The following B4GALT4 variants were observed in gnomAD, a reference collection of about 807,000 sequenced individuals.
B4GALT4 encodes the protein N-acetyllactosamine synthase.
Under a neutral mutation model 37.3 loss-of-function variants are expected in B4GALT4, and 27 were observed. The observed-to-expected ratio is 0.72, with a 90% CI of 0.53 to 1.00. The LOEUF is 1.00. Among genes scored for constraint, B4GALT4 ranks in the 50% least tolerant of loss-of-function variants. B4GALT4 has a pLI of 0.00. For missense variants in B4GALT4, 372 were observed against 413.1 expected (o/e 0.90, Z 0.86); for synonymous variants, 148 against 154.1 (o/e 0.96, Z 0.29).
chr3:119,219,932 G>A (rs1462060438), intron 5 of B4GALT4, among the ~76,000 whole-genome samples: 1 of 152,162 alleles, frequency 6.6e-6, no homozygotes, highest in Non-Finnish European at 1.5e-5. Flanking sequence ...AACTGTTCCA[G>A]GACCGATAAA....
Position 119,229,893 on chromosome 3 carries a change from C to T in B4GALT4, c.207G>A (p.Thr69=). 8.1e-6 allele frequency: 13 copies of T among 1,614,170 alleles called. No homozygotes were observed. Among genetic ancestry groups the T allele is most frequent in the Non-Finnish European group, 1.1e-5 (13 of 1,180,014 alleles). The change falls in exon 3 of 8, where the codon ACG becomes ACA. Residue 69 remains threonine, a synonymous_variant. Transcript: ENST00000393765. ...GGCAGTTGTCAAGTTCTACCTTCTT[C>T]GTGGATGCTTCATTAGTCAGAGTTT... ...KGKTLTNEAS[T]KKVELDNCPS...
At chr3:119,231,583 T>G (rs987088481) in intron 2 of B4GALT4, among the ~76,000 whole-genome samples, 2 of 151,890 alleles carry the variant, frequency 1.3e-5, no homozygotes, top group East Asian at 3.8e-4. Flanking sequence ...ATCTGTGCTA[T>G]GATTACAACT....
chr3:119,233,811 T>G (rs1044594811), intron 2 of B4GALT4, among the ~76,000 whole-genome samples: 2 of 152,264 alleles, frequency 1.3e-5, no homozygotes, highest in South Asian at 4.1e-4. Flanking sequence ...TAAAAATAAT[T>G]CTTACCTATC....
chr3:119,212,341 G>T lies in B4GALT4; in HGVS notation c.*208C>A. ...CCATATTACAATATTTAACCCTCATGATCAAAATGACTAAGAAAGCTGTCT... is the reference window on the plus strand; with the variant it reads ...CCATATTACAATATTTAACCCTCATTATCAAAATGACTAAGAAAGCTGTCT... On this transcript the variant is annotated 3_prime_UTR_variant, in exon 8 of 8. Coordinates refer to ENST00000393765, the MANE Select transcript of B4GALT4 (RefSeq NM_003778.4). 1 of 644,444 alleles carries T rather than the reference G, an allele frequency of 1.6e-6. No homozygotes were observed. Among genetic ancestry groups the T allele is most frequent in the Non-Finnish European group, 2.8e-6 (1 of 362,160 alleles). The allele number at this position is 644,444 out of a possible 1,614,324, so 39.9% of individuals were successfully genotyped here.
At chr3:119,217,959 A>C (rs1379057020) in intron 6 of B4GALT4, among the ~76,000 whole-genome samples, 1 of 152,154 alleles carries the variant, frequency 6.6e-6, no homozygotes, top group Non-Finnish European at 1.5e-5. Flanking sequence ...ATACCAGCCT[A>C]AGCTCTTGAA....
At chr3:119,221,633 A>G (rs917737225) in intron 5 of B4GALT4, among the ~76,000 whole-genome samples, 2 of 152,360 alleles carry the variant, frequency 1.3e-5, no homozygotes, top group South Asian at 4.1e-4. Flanking sequence ...ACATACAAAA[A>G]AGAGAAAATC....
intron 7 of B4GALT4, 47 bp from the exon 8 acceptor site, chr3:119,212,728 T>C: frequency 6.6e-7 from 1 of 1,516,934 alleles, no homozygotes; most frequent in East Asian, 2.3e-5. Flanking sequence ...TTAACATATG[T>C]CTCCACTGCA....
In B4GALT4 at chr3:119,232,162, T is replaced by G. The variant is rs180748639; in HGVS notation, c.-145-1918A>C. Among the ~76,000 whole-genome samples the G allele has an allele frequency of 3.2e-4, 49 of 152,234 alleles. No homozygotes were observed. The East Asian group carries it at 3.3e-3, about 10-fold the overall frequency. ...AAAAGGGAGGTTAGTTCTTGGGGAA[T>G]GTTTGACCCAGGAAGCAATTAAACA... On this transcript the variant is annotated intron_variant, in intron 2 of 7. Transcript: ENST00000393765.
chr3:119,238,800 A>C (rs1218163213), intron 1 of B4GALT4, among the ~76,000 whole-genome samples: 2 of 152,226 alleles, frequency 1.3e-5, no homozygotes, highest in Admixed American at 6.5e-5. Flanking sequence ...TTAAAATTTA[A>C]AGATAACATC....
intron 1 of B4GALT4, among the ~76,000 whole-genome samples, chr3:119,238,839 A>G (rs757785595): frequency 1.1e-4 from 16 of 152,346 alleles, no homozygotes; most frequent in Non-Finnish European, 1.6e-4. Flanking sequence ...TTTTAGTTAC[A>G]TAAGTTTGAC....
At chr3:119,238,002 C>T (rs960592878) in intron 1 of B4GALT4, among the ~76,000 whole-genome samples, 2 of 152,094 alleles carry the variant, frequency 1.3e-5, no homozygotes, top group Non-Finnish European at 2.9e-5. Context: ...TGTGATGGCT[C>T]ATGCCTGTAA....
intron 2 of B4GALT4, among the ~76,000 whole-genome samples, chr3:119,231,165 T>G (rs115493113): frequency 0.013 from 2,016 of 152,280 alleles, 47 homozygotes; most frequent in African/African-American, 0.046. Context: ...GATTTCATAC[T>G]TCAGTAGCAT....
chr3:119,226,522 C>G, intron 4 of B4GALT4: 1 of 416,970 alleles, frequency 2.4e-6, no homozygotes, highest in Non-Finnish European at 4.4e-6. Flanking sequence ...AGGAAGCCTC[C>G]GGGGAAATCT....
intron 3 of B4GALT4, among the ~76,000 whole-genome samples, chr3:119,228,162 G>A (rs1381206241): frequency 6.6e-6 from 1 of 152,220 alleles, no homozygotes; most frequent in Non-Finnish European, 1.5e-5. Flanking sequence ...TGTGTGGCCT[G>A]TTCACAATCC....
At chr3:119,238,905 A>G (rs750639026) in intron 1 of B4GALT4, among the ~76,000 whole-genome samples, 4 of 152,226 alleles carry the variant, frequency 2.6e-5, no homozygotes, top group South Asian at 2.1e-4. Context: ...AAAAGCCCCA[A>G]TCTCAAAGAA....
intron 1 of B4GALT4, among the ~76,000 whole-genome samples, chr3:119,238,478 A>C (rs1037128174): frequency 6.6e-6 from 1 of 152,162 alleles, no homozygotes; most frequent in Admixed American, 6.5e-5. Context: ...AAATGACTAC[A>C]TAGTTTTCCT....
intron 5 of B4GALT4, among the ~76,000 whole-genome samples, chr3:119,219,753 G>T (rs894143133): frequency 6.6e-6 from 1 of 152,074 alleles, no homozygotes; most frequent in African/African-American, 2.4e-5. Context: ...CAGTTATATA[G>T]GACTCTTATT....
In B4GALT4 at chr3:119,217,864, A is replaced by T. The variant is rs2078337749; in HGVS notation, c.797+786T>A. ...TCTCAAAAAAAAAAAAAAAAAAAAA[A>T]AGAATTTCTTTTCCAAGAGGCAACA... On this transcript the variant is annotated intron_variant, in intron 6 of 7. Coordinates refer to ENST00000393765, the MANE Select transcript of B4GALT4 (RefSeq NM_003778.4). 2.3e-5 allele frequency among the ~76,000 whole-genome samples: 3 copies of T among 131,764 alleles called. No homozygotes were observed. In the South Asian group the frequency reaches 7.5e-4, roughly 33 times the overall value. The allele number at this position is 131,764 out of a possible 152,430, so 86.4% of individuals were successfully genotyped here.
chr3:119,216,362 AT>A lies in B4GALT4; in HGVS notation c.798-19del. ...GCTCAACCCTAGAAAAATAATAGAG[AT>A]TTTTTTAAAGTCCATCCTATTTATC... is the stretch of plus-strand genomic sequence containing the variant. On this transcript the variant is annotated intron_variant, in intron 6 of 7. Transcript: ENST00000393765. 1.9e-6 allele frequency: 3 copies of A among 1,599,656 alleles called. No homozygotes were observed. Among genetic ancestry groups the A allele is most frequent in the Non-Finnish European group, 2.6e-6 (3 of 1,172,454 alleles).
Sources: gnomAD v4.1 joint callset for allele counts (sites outside exome capture counted in the v4.1 genomes callset) on GRCh38, gnomAD v4.1.1 for gene constraint, MANE v1.5 for transcripts, NCBI Gene and HGNC (gene_info 2026-07-23, HGNC 2026-07-21) for gene names.